CCSER1: variants seen among roughly 807,000 people sequenced by gnomAD.
The protein encoded by CCSER1 is serine-rich coiled-coil domain-containing protein 1.
Under a neutral mutation model 82.0 loss-of-function variants are expected in CCSER1, and 41 were observed. The observed-to-expected ratio is 0.50, with a 90% confidence interval of 0.39 to 0.65. The LOEUF is 0.65. Among genes scored for constraint, CCSER1 ranks in the 30% least tolerant of loss-of-function variants. CCSER1 has a pLI of 0.00. For synonymous variants in CCSER1, 414 were observed against 383.9 expected, an observed-to-expected ratio of 1.08 and a Z score of -0.92; for missense variants, 1,119 against 1,064.2, an observed-to-expected ratio of 1.05 and a Z score of -0.72.
intron 9 of CCSER1, among the ~76,000 whole-genome samples, chr4:90,963,848 TA>T (rs916890075): frequency 7.2e-4 from 109 of 151,506 alleles, no homozygotes; most frequent in Non-Finnish European, 1.3e-3. Flanking sequence ...AAGGTTCAAG[TA>T]AAAAAAAATA....
intron 5 of CCSER1, among the ~76,000 whole-genome samples, chr4:90,602,330 C>CT (rs1330944337): frequency 5.3e-5 from 8 of 152,084 alleles, no homozygotes; most frequent in Non-Finnish European, 4.4e-5. Flanking sequence ...ATAACCTCCT[C>CT]TTTTTATGTA....
intron 10 of CCSER1, among the ~76,000 whole-genome samples, chr4:91,203,102 A>G (rs966151257): frequency 6.6e-6 from 1 of 151,976 alleles, no homozygotes; most frequent in Non-Finnish European, 1.5e-5. Flanking sequence ...ACTAGTTTAC[A>G]GTCCCACCAA....
At chr4:90,223,511 A>G (rs964600987) in intron 1 of CCSER1, among the ~76,000 whole-genome samples, 6 of 152,214 alleles carry the variant, frequency 3.9e-5, no homozygotes, top group African/African-American at 1.4e-4. Context: ...GATTTTTAAC[A>G]TGGATGATTC....
intron 9 of CCSER1, among the ~76,000 whole-genome samples, chr4:90,965,343 A>T (rs1734457455): frequency 6.6e-6 from 1 of 152,090 alleles, no homozygotes. Context: ...GGGTGTGCCC[A>T]TATTCAAGGC....
intron 10 of CCSER1, among the ~76,000 whole-genome samples, chr4:91,559,821 G>A (rs1762573192): frequency 6.6e-6 from 1 of 150,820 alleles, no homozygotes; most frequent in Non-Finnish European, 1.5e-5. Flanking sequence ...GTATCATATT[G>A]TAATATCTTA....
At chr4:90,732,420 G>T (rs1218624832) in intron 7 of CCSER1, among the ~76,000 whole-genome samples, 1 of 152,190 alleles carries the variant, frequency 6.6e-6, no homozygotes, top group African/African-American at 2.4e-5. Flanking sequence ...TGATATTTCT[G>T]CCCAGTAAAG....
In CCSER1 at chr4:91,572,859, G is replaced by A. The variant is rs1045611005; in HGVS notation, c.2218-25713G>A. Among the ~76,000 whole-genome samples, 3 of 150,976 alleles carry A rather than the reference G, an allele frequency of 2.0e-5. No individual in the cohort carries two copies. The East Asian group carries it at 5.8e-4, about 29-fold the overall frequency. On this transcript the variant is annotated intron_variant, in intron 10 of 10. Transcript: ENST00000509176. ...CTGTCCATTTCTTGGTAGAGCAGCT[G>A]TGCTGTACTTAGGCATCCCTCCACC... is the stretch of plus-strand genomic sequence containing the variant.
At chr4:90,804,306 G>T (rs1757224585) in intron 7 of CCSER1, among the ~76,000 whole-genome samples, 1 of 152,070 alleles carries the variant, frequency 6.6e-6, no homozygotes, top group Non-Finnish European at 1.5e-5. Context: ...GTCTTGAATG[G>T]TATTGCCCAA....
chr4:90,480,004 G>C (rs185759414), intron 5 of CCSER1, among the ~76,000 whole-genome samples: 1,804 of 152,264 alleles, frequency 0.012, 18 homozygotes, highest in Non-Finnish European at 0.018. Context: ...CAGTGTCAAA[G>C]TGTTCCTATT....
At chr4:90,691,499 C>A (rs77932029) in intron 6 of CCSER1, among the ~76,000 whole-genome samples, 1 of 151,360 alleles carries the variant, frequency 6.6e-6, no homozygotes, top group African/African-American at 2.4e-5. Context: ...TGTATATAAA[C>A]GTGTGTATAT....
At chr4:90,508,554 C>A (rs1414532462) in intron 5 of CCSER1, among the ~76,000 whole-genome samples, 2 of 152,112 alleles carry the variant, frequency 1.3e-5, no homozygotes, top group South Asian at 2.1e-4. Flanking sequence ...AAGAAAGGAG[C>A]AAACTCTAAG....
intron 7 of CCSER1, among the ~76,000 whole-genome samples, chr4:90,795,500 T>C (rs1465953211): frequency 2.0e-5 from 3 of 152,180 alleles, no homozygotes; most frequent in Admixed American, 2.0e-4. Flanking sequence ...TTCTCTTGCC[T>C]GATTATCCTG....
At chr4:91,056,332 A>T (rs1395347911) in intron 9 of CCSER1, among the ~76,000 whole-genome samples, 1 of 152,176 alleles carries the variant, frequency 6.6e-6, no homozygotes, top group African/African-American at 2.4e-5. Flanking sequence ...AATTTATCAT[A>T]GTTCTGGAGG....
Position 90,286,391 on chromosome 4 carries a change from A to T in CCSER1, c.-41-21853A>T, listed in dbSNP as rs553177793. On this transcript the variant is annotated intron_variant, in intron 1 of 10. Coordinates refer to ENST00000509176, the MANE Select transcript of CCSER1 (RefSeq NM_001145065.2). ...AAAGTGAAGCAGACTATGATTTCAC[A>T]TAAGGTGACAATTTCAATAAAGCAG... 1.9e-4 allele frequency among the ~76,000 whole-genome samples: 29 copies of T among 152,186 alleles called. 1 individual carries two copies. In the South Asian group the frequency reaches 6.0e-3, roughly 32 times the overall value.
intron 2 of CCSER1, 79 bp from the exon 3 acceptor site, chr4:90,312,784 T>C: frequency 2.7e-6 from 3 of 1,122,662 alleles, no homozygotes; most frequent in Non-Finnish European, 3.8e-6. Flanking sequence ...TAAGAGTTTT[T>C]CATGATCTTT....
chr4:91,403,599 C>T (rs1232181694), intron 10 of CCSER1, among the ~76,000 whole-genome samples: 1 of 152,090 alleles, frequency 6.6e-6, no homozygotes, highest in Non-Finnish European at 1.5e-5. Flanking sequence ...GAATTTTTAG[C>T]ATGAAGGGCC....
At chr4:91,047,973 G>A (rs988948078) in intron 9 of CCSER1, among the ~76,000 whole-genome samples, 2 of 151,708 alleles carry the variant, frequency 1.3e-5, no homozygotes, top group South Asian at 4.1e-4. Context: ...TCTTATTCTG[G>A]TTCTTTGAGT....
Position 91,603,895 on chromosome 4 carries a change from A to C in CCSER1, c.*4838A>C, listed in dbSNP as rs2110370917. The C allele has an allele frequency of 6.6e-6, 1 of 152,052 alleles. No individual in the cohort carries two copies. Among genetic ancestry groups the C allele is most frequent in the South Asian group, 2.1e-4 (1 of 4,830 alleles). The allele number at this position is 152,052 out of a possible 1,614,324, so 9.4% of individuals were successfully genotyped here. A position where few individuals can be genotyped will look rare whatever the true frequency, so the allele number is the denominator to read the frequency against. On this transcript the variant is annotated 3_prime_UTR_variant, in exon 11 of 11. Transcript: ENST00000509176. Reference sequence around the variant, plus strand: ...GGCCTCTTCCTCTTCTAATAACTACAATAATTTCATCATGGGGGCCCCACC... The same window carrying C: ...GGCCTCTTCCTCTTCTAATAACTACCATAATTTCATCATGGGGGCCCCACC...
intron 4 of CCSER1, among the ~76,000 whole-genome samples, chr4:90,424,092 A>G (rs1188700163): frequency 1.4e-5 from 2 of 147,520 alleles, no homozygotes; most frequent in Non-Finnish European, 3.0e-5. Context: ...CTCTGTCTCA[A>G]AAAAAAAAAA....
Sources: gnomAD v4.1 joint callset for allele counts (sites outside exome capture counted in the v4.1 genomes callset) on GRCh38, gnomAD v4.1.1 for gene constraint, MANE v1.5 for transcripts, NCBI Gene and HGNC (gene_info 2026-07-23, HGNC 2026-07-21) for gene names.